Variants in AGBL4 observed in about 807,000 individuals in gnomAD.
AGBL4 encodes the protein cytosolic carboxypeptidase 6.
In AGBL4, 58 loss-of-function variants were observed where a neutral mutation model predicts 66.4. The observed-to-expected ratio is 0.87, with a 90% CI of 0.71 to 1.09. The LOEUF is 1.09. Ranked by LOEUF, AGBL4 falls within the 50% of genes least tolerant of loss-of-function variation. The pLI, the probability that AGBL4 is intolerant of heterozygous loss-of-function variation, is 0.00. For synonymous variants in AGBL4, 234 were observed against 222.9 expected, an observed-to-expected ratio of 1.05 and a Z score of -0.44; for missense variants, 579 against 631.0, an observed-to-expected ratio of 0.92 and a Z score of 0.88.
chr1:48,750,241 G>A (rs547360611), intron 6 of AGBL4, among the ~76,000 whole-genome samples: 1 of 152,194 alleles, frequency 6.6e-6, no homozygotes, highest in Non-Finnish European at 1.5e-5. Context: ...CAATGGGGAA[G>A]TGCCCCCATG....
intron 5 of AGBL4, among the ~76,000 whole-genome samples, chr1:48,874,493 T>C (rs966702002): frequency 6.6e-6 from 1 of 152,212 alleles, no homozygotes; most frequent in East Asian, 1.9e-4. Flanking sequence ...TGATTCCCAT[T>C]GCATTTTTGG....
intron 8 of AGBL4, among the ~76,000 whole-genome samples, chr1:48,653,037 A>G (rs1645956739): frequency 6.6e-6 from 1 of 152,138 alleles, no homozygotes; most frequent in South Asian, 2.1e-4. Flanking sequence ...CTGAGCCCAG[A>G]GAGGGAAAAG....
chr1:49,735,755 TA>T lies in AGBL4; in HGVS notation c.158-38319del, dbSNP rs201755876. On this transcript the variant is annotated intron_variant, in intron 2 of 13. Transcript: ENST00000371839. ...TAGCTGTGGCACCAAAAAGAATCCG[TA>T]AAAAAAGTAATAACTGGATTTCACC... Among the ~76,000 whole-genome samples, 1,221 of 152,020 alleles carry T rather than the reference TA, an allele frequency of 8.0e-3. 9 individuals are homozygous for T. The highest frequency in any genetic ancestry group is 0.031 in the Middle Eastern group (9 of 294).
chr1:48,941,001 G>A (rs1219337208), intron 5 of AGBL4, among the ~76,000 whole-genome samples: 1 of 152,124 alleles, frequency 6.6e-6, no homozygotes, highest in African/African-American at 2.4e-5. Context: ...GGCAGAGAAA[G>A]GGGAGAAAAG....
downstream of AGBL4, among the ~76,000 whole-genome samples, chr1:48,530,554 G>C (rs148448356): frequency 1.3e-5 from 2 of 152,274 alleles, no homozygotes; most frequent in African/African-American, 4.8e-5. Context: ...AAAGCTTCTA[G>C]ACAAAGGCTC....
intron 4 of AGBL4, among the ~76,000 whole-genome samples, chr1:49,217,562 A>T (rs1649184960): frequency 6.6e-6 from 1 of 152,110 alleles, no homozygotes; most frequent in Admixed American, 6.6e-5. Context: ...ACATTATATG[A>T]TATTCACTTG....
chr1:48,707,728 G>A (rs1646902894), intron 6 of AGBL4, among the ~76,000 whole-genome samples: 1 of 152,180 alleles, frequency 6.6e-6, no homozygotes, highest in Non-Finnish European at 1.5e-5. Context: ...GCCAATGTGA[G>A]GTCTCAGGTC....
intron 1 of AGBL4, chr1:49,994,847 C>G (rs879865771): frequency 2.4e-4 from 77 of 320,312 alleles, no homozygotes; most frequent in African/African-American, 1.3e-3. Flanking sequence ...CATCCACCCC[C>G]CTCCCAATAC....
At position 49,149,857 on chromosome 1, in the gene AGBL4, G is replaced by T. The variant is rs567481310; in HGVS notation, c.377+95913C>A. 3.3e-5 allele frequency among the ~76,000 whole-genome samples: 5 copies of T among 152,282 alleles called. No individual in the cohort carries two copies. The East Asian group carries it at 7.7e-4, about 24-fold the overall frequency. On this transcript the variant is annotated intron_variant, in intron 4 of 13. Transcript: ENST00000371839. The stretch of plus-strand genomic sequence containing the variant: ...TAGTGCTAGCTTTTTCTGCATGTGG[G>T]AGATATAAAATTGTCTTCAGAAACT...
intron 3 of AGBL4, among the ~76,000 whole-genome samples, chr1:49,675,688 T>C (rs1196212747): frequency 1.3e-5 from 2 of 152,108 alleles, no homozygotes; most frequent in African/African-American, 4.8e-5. Flanking sequence ...GGGATGGGTT[T>C]GTCAGTAGGT....
intron 4 of AGBL4, among the ~76,000 whole-genome samples, chr1:49,121,024 T>C (rs1296154953): frequency 3.3e-5 from 5 of 152,208 alleles, no homozygotes; most frequent in Non-Finnish European, 4.4e-5. Flanking sequence ...GCTTGTGTCA[T>C]GAAGTTCTCA....
intron 3 of AGBL4, among the ~76,000 whole-genome samples, chr1:49,685,848 T>C (rs1017170347): frequency 6.6e-6 from 1 of 152,224 alleles, no homozygotes; most frequent in African/African-American, 2.4e-5. Context: ...TTGTTTGTTG[T>C]CTGTTTACAC....
At chr1:49,818,361 G>T (rs374935841) in intron 2 of AGBL4, among the ~76,000 whole-genome samples, 12 of 111,784 alleles carry the variant, frequency 1.1e-4, no homozygotes, top group African/African-American at 3.0e-4. Context: ...GTTTGTTTTT[G>T]TTTTTTTTGT....
At chr1:49,659,722 T>C (rs1571275077) in intron 3 of AGBL4, among the ~76,000 whole-genome samples, 1 of 151,930 alleles carries the variant, frequency 6.6e-6, no homozygotes, top group Non-Finnish European at 1.5e-5. Context: ...AGACAGAAAA[T>C]TAACAAAGAC....
intron 4 of AGBL4, among the ~76,000 whole-genome samples, chr1:49,180,621 A>G (rs1397373949): frequency 1.3e-5 from 2 of 152,218 alleles, no homozygotes; most frequent in East Asian, 1.9e-4. Context: ...TGGCCTTGGT[A>G]TATCTAGTAC....
chr1:49,780,923 T>C (rs1644321356), intron 2 of AGBL4, among the ~76,000 whole-genome samples: 1 of 152,096 alleles, frequency 6.6e-6, no homozygotes, highest in South Asian at 2.1e-4. Flanking sequence ...GCAGACATTA[T>C]AACTCCGGGG....
intron 6 of AGBL4, among the ~76,000 whole-genome samples, chr1:48,779,401 T>A (rs1041094530): frequency 2.6e-5 from 4 of 152,204 alleles, no homozygotes; most frequent in African/African-American, 9.6e-5. Context: ...TCTTCCTTCC[T>A]CAACTTACCC....
At chr1:49,345,547 A>G (rs1290700857) in intron 3 of AGBL4, among the ~76,000 whole-genome samples, 2 of 152,178 alleles carry the variant, frequency 1.3e-5, no homozygotes, top group Admixed American at 6.5e-5. Flanking sequence ...TCTGTTCATA[A>G]ATATTAAGCA....
chr1:48,539,163 CT>C (rs1445452608), intron 12 of AGBL4, among the ~76,000 whole-genome samples: 1 of 152,188 alleles, frequency 6.6e-6, no homozygotes, highest in African/African-American at 2.4e-5. Context: ...ATCTTTACAT[CT>C]TGAGGGAAGG....
Sources: gnomAD v4.1 joint callset for allele counts (sites outside exome capture counted in the v4.1 genomes callset) on GRCh38, gnomAD v4.1.1 for gene constraint, MANE v1.5 for transcripts, NCBI Gene and HGNC (gene_info 2026-07-23, HGNC 2026-07-21) for gene names.